DOCK2: variants seen among roughly 807,000 people sequenced by gnomAD.
DOCK2 encodes the protein dedicator of cytokinesis 2.
In DOCK2, 87 loss-of-function variants were observed where a neutral mutation model predicts 248.9. The ratio of observed to expected loss-of-function variants is 0.35; its 90% CI spans 0.29 to 0.42. The LOEUF is 0.42. DOCK2 is among the 10% of genes least tolerant of loss of function. The pLI, the probability that DOCK2 is intolerant of heterozygous loss-of-function variation, is 1.00. For missense variants in DOCK2, 1,747 were observed against 2,300.2 expected (o/e 0.76, Z 4.92); for synonymous variants, 805 against 821.6 (o/e 0.98, Z 0.35).
At chr5:169,826,177 C>T (rs1404546774) in intron 26 of DOCK2, among the ~76,000 whole-genome samples, 3 of 152,046 alleles carry the variant, frequency 2.0e-5, no homozygotes, top group African/African-American at 7.2e-5. Flanking sequence ...TGATGGTATA[C>T]TTTGGACTTT....
chr5:169,871,509 C>T (rs916478146), intron 27 of DOCK2, among the ~76,000 whole-genome samples: 1 of 152,152 alleles, frequency 6.6e-6, no homozygotes, highest in Non-Finnish European at 1.5e-5. Context: ...ATAATATTAC[C>T]TTCATTTTAT....
chr5:169,781,596 T>C (rs1353931118), intron 25 of DOCK2, among the ~76,000 whole-genome samples: 1 of 152,210 alleles, frequency 6.6e-6, no homozygotes, highest in African/African-American at 2.4e-5. Context: ...TGGGCACTAG[T>C]GTCAGCCTGA....
rs563024732 is a variant in DOCK2, at chr5:169,651,014, C to G, written c.44-3389C>G. On this transcript the variant is annotated intron_variant, in intron 1 of 51. Coordinates refer to ENST00000520908, the MANE Select transcript of DOCK2 (RefSeq NM_004946.3). ...GTGGAGCAGGCTATGATTTCTTCCT[C>G]TTGTTTTTCTGCCTTTTTCATCCCT... Among the ~76,000 whole-genome samples, 4 of 152,298 alleles carry G rather than the reference C, an allele frequency of 2.6e-5. No homozygotes were observed. In the South Asian group the frequency reaches 8.3e-4, roughly 32 times the overall value.
chr5:169,861,211 A>G (rs1475134612), intron 27 of DOCK2, among the ~76,000 whole-genome samples: 1 of 152,184 alleles, frequency 6.6e-6, no homozygotes, highest in Non-Finnish European at 1.5e-5. Flanking sequence ...ATTATAATGA[A>G]AGCCATACTT....
At position 169,815,655 on chromosome 5, in the gene DOCK2, C is replaced by CA. The variant is rs367997201; in HGVS notation, c.2703+12456dup. Among the ~76,000 whole-genome samples the CA allele has an allele frequency of 1.2e-3, 179 of 152,202 alleles. 1 individual carries two copies. Among genetic ancestry groups the CA allele is most frequent in the African/African-American group, 3.9e-3 (164 of 41,522 alleles). On this transcript the variant is annotated intron_variant, in intron 26 of 51. Coordinates refer to ENST00000520908, the MANE Select transcript of DOCK2 (RefSeq NM_004946.3). ...TGAGTTTTTGCATTAATTTTTTAAACAAAAAAATTGCATTAAGTGTTAATT... is the reference window on the plus strand; with the variant it reads ...TGAGTTTTTGCATTAATTTTTTAAACAAAAAAAATTGCATTAAGTGTTAATT...
chr5:169,909,436 T>C (rs933490005), intron 27 of DOCK2, among the ~76,000 whole-genome samples: 21 of 152,238 alleles, frequency 1.4e-4, no homozygotes, highest in African/African-American at 4.8e-4. Context: ...TAAAAAAATC[T>C]AAGTTTTTTC....
chr5:169,856,754 A>G lies in DOCK2; in HGVS notation c.2799+15902A>G, dbSNP rs533903724. ...GGAAACACTGTGTGAATCACTCTCA[A>G]GTTCAGCAGTTAACATGACTCAGCA... On this transcript the variant is annotated intron_variant, in intron 27 of 51. Coordinates refer to ENST00000520908, the MANE Select transcript of DOCK2 (RefSeq NM_004946.3). Among the ~76,000 whole-genome samples the G allele has an allele frequency of 7.2e-5, 11 of 152,310 alleles. No individual in the cohort carries two copies. In the South Asian group the frequency reaches 2.3e-3, roughly 32 times the overall value.
chr5:169,775,394 T>G (rs28712528), intron 25 of DOCK2, among the ~76,000 whole-genome samples: 2,947 of 152,254 alleles, frequency 0.019, 103 homozygotes, highest in African/African-American at 0.066. Context: ...CATGTCAATA[T>G]GCAGACACAG....
At chr5:169,698,517 T>G in intron 11 of DOCK2, 68 bp downstream of exon 11, 1 of 1,555,642 alleles carries the variant, frequency 6.4e-7, no homozygotes, top group Non-Finnish European at 8.9e-7. Flanking sequence ...CTGCTGGAGC[T>G]CAGAGGGTAC....
chr5:169,792,336 G>C (rs1230539807), intron 25 of DOCK2, among the ~76,000 whole-genome samples: 9 of 140,830 alleles, frequency 6.4e-5, no homozygotes, highest in African/African-American at 2.2e-4. Flanking sequence ...TAAAAATCTT[G>C]CTTTATTTAT....
At chr5:169,974,336 C>T (rs1777636248) in intron 27 of DOCK2, among the ~76,000 whole-genome samples, 1 of 152,206 alleles carries the variant, frequency 6.6e-6, no homozygotes, top group Admixed American at 6.5e-5. Flanking sequence ...TTAACAGCGT[C>T]TAACACATAA....
At chr5:169,762,638 A>C (rs1764553710) in intron 25 of DOCK2, among the ~76,000 whole-genome samples, 2 of 152,154 alleles carry the variant, frequency 1.3e-5, no homozygotes, top group Non-Finnish European at 1.5e-5. Context: ...TAAAAGAATG[A>C]CCTGTTCAGA....
rs189535027 is a variant in DOCK2, at chr5:170,071,430, C to A, written c.4728+2210C>A. ...TGAATGTATTTGTACCTCTAGCAACCGAACAAATGCTGAAGCCTTCAAAGT... is the reference window on the plus strand; with the variant it reads ...TGAATGTATTTGTACCTCTAGCAACAGAACAAATGCTGAAGCCTTCAAAGT... On this transcript the variant is annotated intron_variant, in intron 46 of 51. Coordinates refer to ENST00000520908, the MANE Select transcript of DOCK2 (RefSeq NM_004946.3). Among the ~76,000 whole-genome samples the A allele has an allele frequency of 1.4e-3, 220 of 152,302 alleles. 1 individual carries two copies. Among genetic ancestry groups the A allele is most frequent in the Non-Finnish European group, 2.0e-3 (136 of 68,030 alleles).
intron 1 of DOCK2, among the ~76,000 whole-genome samples, chr5:169,649,415 A>T (rs1219227672): frequency 6.6e-6 from 1 of 152,352 alleles, no homozygotes; most frequent in Admixed American, 6.5e-5. Context: ...AAGAAGGGAC[A>T]TAGCTGCCCT....
intron 4 of DOCK2, 67 bp from the exon 5 acceptor site, chr5:169,671,011 G>C: frequency 7.1e-7 from 1 of 1,399,358 alleles, no homozygotes; most frequent in East Asian, 2.3e-5. Flanking sequence ...ATGCAAATTT[G>C]TTGGTGTTTT....
At chr5:170,064,760 C>T (rs1581569393) in intron 44 of DOCK2, among the ~76,000 whole-genome samples, 1 of 151,916 alleles carries the variant, frequency 6.6e-6, no homozygotes, top group African/African-American at 2.4e-5. Flanking sequence ...TCCAGAAAGC[C>T]CAAAGGACAA....
intron 27 of DOCK2, among the ~76,000 whole-genome samples, chr5:169,841,937 G>T (rs986092117): frequency 6.6e-5 from 10 of 152,086 alleles, no homozygotes; most frequent in Admixed American, 2.6e-4. Flanking sequence ...CAGTAAATAC[G>T]TTTGAATGAA....
intron 22 of DOCK2, among the ~76,000 whole-genome samples, chr5:169,740,640 C>A (rs1327305465): frequency 1.3e-5 from 2 of 152,206 alleles, no homozygotes; most frequent in Non-Finnish European, 2.9e-5. Context: ...TGAAGTAAAG[C>A]CTGCACAGGC....
chr5:169,857,618 A>G (rs1032909686), intron 27 of DOCK2, among the ~76,000 whole-genome samples: 18 of 152,150 alleles, frequency 1.2e-4, no homozygotes, highest in African/African-American at 3.9e-4. Context: ...CCTAATTTCT[A>G]TAAAGAGCTG....
Sources: gnomAD v4.1 joint callset for allele counts (sites outside exome capture counted in the v4.1 genomes callset) on GRCh38, gnomAD v4.1.1 for gene constraint, MANE v1.5 for transcripts, NCBI Gene and HGNC (gene_info 2026-07-23, HGNC 2026-07-21) for gene names.